NELL1: variants seen among roughly 807,000 people sequenced by gnomAD.
NELL1 encodes the protein neural EGFL like 1.
NELL1 carries 76 observed loss-of-function variants against 107.4 expected under a neutral mutation model. The observed-to-expected ratio is 0.71, with a 90% CI of 0.59 to 0.86. The LOEUF (loss-of-function observed/expected upper bound fraction) is 0.86, where lower values mean the gene tolerates loss of function less well. NELL1 is among the 40% of genes least tolerant of loss of function. The pLI is 0.00. For synonymous variants in NELL1, 353 were observed against 341.2 expected (o/e 1.03, Z -0.38); for missense variants, 1,024 against 1,005.5 (o/e 1.02, Z -0.25).
At chr11:20,987,282 C>A (rs1268312238) in intron 12 of NELL1, among the ~76,000 whole-genome samples, 1 of 152,178 alleles carries the variant, frequency 6.6e-6, no homozygotes, top group Non-Finnish European at 1.5e-5. Flanking sequence ...ACCTACACAT[C>A]ATGGGCTCTG....
intron 3 of NELL1, among the ~76,000 whole-genome samples, chr11:20,839,835 A>C (rs758311638): frequency 1.1e-4 from 16 of 152,170 alleles, no homozygotes; most frequent in Non-Finnish European, 2.2e-4. Flanking sequence ...AGAGTACCAG[A>C]AGTTTGTCTG....
At position 20,675,469 on chromosome 11, in the gene NELL1, A is replaced by G. The variant is rs1013768895; in HGVS notation, c.56-2463A>G. 2.6e-5 allele frequency among the ~76,000 whole-genome samples: 4 copies of G among 152,262 alleles called. No individual in the cohort carries two copies. In the East Asian group the frequency reaches 5.8e-4, roughly 22 times the overall value. Reference sequence around the variant, plus strand: ...TCATGCATCAACTCATTAGATAATCAGGTCTTAAGTTGAGAGCCTGCCTGC... The same window carrying G: ...TCATGCATCAACTCATTAGATAATCGGGTCTTAAGTTGAGAGCCTGCCTGC... On this transcript the variant is annotated intron_variant, in intron 1 of 19. Transcript: ENST00000357134.
intron 13 of NELL1, among the ~76,000 whole-genome samples, chr11:21,210,512 G>A (rs558535201): frequency 2.9e-4 from 44 of 152,118 alleles, no homozygotes; most frequent in Non-Finnish European, 5.1e-4. Flanking sequence ...GTGCCTCTTA[G>A]CCATTTCTGT....
In NELL1 at chr11:20,991,990, G is replaced by GTA. The variant is rs769434874; in HGVS notation, c.1300+31430_1300+31431insTA. ...GGTTCTTTCAAAGCCAGTGTAGCAT[G>GTA]CAAAAAAAAAAAAAAAAAAAAGTTG... On this transcript the variant is annotated intron_variant, in intron 12 of 19. Coordinates refer to ENST00000357134, the MANE Select transcript of NELL1 (RefSeq NM_006157.5). 6.6e-3 allele frequency among the ~76,000 whole-genome samples: 434 copies of GTA among 66,226 alleles called. 1 individual carries two copies. Among genetic ancestry groups the GTA allele is most frequent in the African/African-American group, 0.019 (263 of 13,882 alleles). The allele number at this position is 66,226 out of a possible 152,430, so 43.4% of individuals were successfully genotyped here. A position where few individuals can be genotyped will look rare whatever the true frequency, so the allele number is the denominator to read the frequency against.
At chr11:21,281,481 T>A (rs1848992273) in intron 14 of NELL1, among the ~76,000 whole-genome samples, 1 of 152,146 alleles carries the variant, frequency 6.6e-6, no homozygotes, top group Admixed American at 6.5e-5. Flanking sequence ...TGGAGGAACT[T>A]GCTTCCCTGA....
chr11:21,566,451 T>C (rs1856975163), intron 17 of NELL1, among the ~76,000 whole-genome samples: 1 of 150,170 alleles, frequency 6.7e-6, no homozygotes, highest in Non-Finnish European at 1.5e-5. Flanking sequence ...TAAGAAAAAA[T>C]GTATTTTTTT....
At chr11:20,879,542 G>A (rs936589619) in intron 4 of NELL1, among the ~76,000 whole-genome samples, 1 of 152,102 alleles carries the variant, frequency 6.6e-6, no homozygotes, top group African/African-American at 2.4e-5. Flanking sequence ...AGAGTAGTGT[G>A]CTGCCGTATT....
intron 14 of NELL1, among the ~76,000 whole-genome samples, chr11:21,231,765 A>T (rs1858056811): frequency 6.6e-6 from 1 of 152,218 alleles, no homozygotes; most frequent in South Asian, 2.1e-4. Context: ...GAGGGGAAAC[A>T]TATCTTCCCT....
intron 3 of NELL1, among the ~76,000 whole-genome samples, chr11:20,808,936 T>C (rs964549281): frequency 6.6e-6 from 1 of 152,224 alleles, no homozygotes; most frequent in Non-Finnish European, 1.5e-5. Context: ...TTCAGTGATA[T>C]GAAGTTAAAA....
chr11:21,434,503 A>T (rs961187118), intron 15 of NELL1, among the ~76,000 whole-genome samples: 13 of 152,068 alleles, frequency 8.5e-5, no homozygotes, highest in Admixed American at 2.6e-4. Context: ...ATGATTGTTA[A>T]TACATGGATT....
intron 13 of NELL1, among the ~76,000 whole-genome samples, chr11:21,147,780 G>A (rs768260262): frequency 7.6e-6 from 1 of 130,792 alleles, no homozygotes; most frequent in Non-Finnish European, 1.6e-5. Context: ...AGGTTGTGGT[G>A]AGCTGAGATG....
At position 21,555,851 on chromosome 11, in the gene NELL1, A is replaced by G. The variant is rs75386131; in HGVS notation, c.1787-4338A>G. On this transcript the variant is annotated intron_variant, in intron 16 of 19. Coordinates refer to ENST00000357134, the MANE Select transcript of NELL1 (RefSeq NM_006157.5). ...TAATGGATCTCTTCTGATGTGTTCT[A>G]ACTGTGTCAACCTCATTCTTCATAG... Among the ~76,000 whole-genome samples the G allele has an allele frequency of 6.6e-4, 100 of 151,986 alleles. 1 individual carries two copies. The East Asian group carries it at 0.017, about 26-fold the overall frequency.
At chr11:20,975,761 T>C (rs1377076437) in intron 12 of NELL1, among the ~76,000 whole-genome samples, 1 of 129,406 alleles carries the variant, frequency 7.7e-6, no homozygotes, top group East Asian at 2.1e-4. Context: ...ATACATATTA[T>C]ATATGTATTA....
rs1226706768 is a variant in NELL1 at position 21,561,013 on chromosome 11, A to C, written c.1980+631A>C. On this transcript the variant is annotated intron_variant, in intron 17 of 19. Transcript: ENST00000357134. Reference sequence around the variant, plus strand: ...ATTTGGTTTTGCTTTATGCTTTGCAAAATGGGTCTATTAAACTGTTTGATC... The same window carrying C: ...ATTTGGTTTTGCTTTATGCTTTGCACAATGGGTCTATTAAACTGTTTGATC... Among the ~76,000 whole-genome samples, 7 of 152,138 alleles carry C rather than the reference A, an allele frequency of 4.6e-5. No homozygotes were observed. In the South Asian group the frequency reaches 1.0e-3, roughly 23 times the overall value.
intron 14 of NELL1, among the ~76,000 whole-genome samples, chr11:21,269,864 CTT>C (rs1041272363): frequency 2.6e-5 from 4 of 152,006 alleles, no homozygotes; most frequent in Non-Finnish European, 4.4e-5. Context: ...ATTATATACT[CTT>C]ATATAAAAGT....
At chr11:21,037,716 A>T (rs1853130348) in intron 12 of NELL1, among the ~76,000 whole-genome samples, 1 of 152,094 alleles carries the variant, frequency 6.6e-6, no homozygotes, top group Admixed American at 6.6e-5. Flanking sequence ...AACCACTTAT[A>T]TCTCTCTTTT....
chr11:20,936,432 T>A (rs557678435), intron 9 of NELL1, among the ~76,000 whole-genome samples: 9 of 152,292 alleles, frequency 5.9e-5, no homozygotes, highest in African/African-American at 1.9e-4. Context: ...CTTAGGCATG[T>A]CCCTGGACTT....
chr11:21,019,854 T>A (rs913106894), intron 12 of NELL1, among the ~76,000 whole-genome samples: 1 of 152,118 alleles, frequency 6.6e-6, no homozygotes, highest in Non-Finnish European at 1.5e-5. Flanking sequence ...TGGGCCCACC[T>A]GAATTCTGCT....
chr11:21,455,866 C>A (rs966336690), intron 15 of NELL1, among the ~76,000 whole-genome samples: 205 of 70,136 alleles, frequency 2.9e-3, no homozygotes, highest in African/African-American at 9.6e-3. Flanking sequence ...TTACTTTCTT[C>A]TTTCTTTTCT....
Sources: gnomAD v4.1 joint callset for allele counts (sites outside exome capture counted in the v4.1 genomes callset) on GRCh38, gnomAD v4.1.1 for gene constraint, MANE v1.5 for transcripts, NCBI Gene and HGNC (gene_info 2026-07-23, HGNC 2026-07-21) for gene names.